The following RASGEF1B variants were observed in gnomAD, a reference collection of about 807,000 sequenced individuals.
The protein encoded by RASGEF1B is ras-GEF domain-containing family member 1B.
In RASGEF1B, 30 loss-of-function variants were observed where a neutral mutation model predicts 65.7. That is an observed-to-expected ratio of 0.46 (90% CI 0.34 to 0.62). The LOEUF is 0.62. Ranked by LOEUF, RASGEF1B falls within the 20% of genes least tolerant of loss-of-function variation. The probability of loss-of-function intolerance (pLI) is 0.01; values close to 1 mark genes in which losing one functional copy is unlikely to be tolerated. For synonymous variants in RASGEF1B, 175 were observed against 194.8 expected, an observed-to-expected ratio of 0.90 and a Z score of 0.85; for missense variants, 495 against 580.1, an observed-to-expected ratio of 0.85 and a Z score of 1.51.
At chr4:81,438,445 C>T (rs1578616400) in intron 10 of RASGEF1B, among the ~76,000 whole-genome samples, 2 of 152,338 alleles carry the variant, frequency 1.3e-5, no homozygotes, top group African/African-American at 2.4e-5. Flanking sequence ...CCACCACGCC[C>T]GGCCAAGAAT....
In RASGEF1B at chr4:81,434,114, A is replaced by ATCATAGCTCAC. The variant is rs527354683; in HGVS notation, c.1201-162_1201-152dup. Reference sequence around the variant, plus strand: ...ACCAAAGCTAGAGTGCAGTGGTGCAATCATAGCTCACTGCAACATCAAACT... The same window carrying ATCATAGCTCAC: ...ACCAAAGCTAGAGTGCAGTGGTGCAATCATAGCTCACTCATAGCTCACTGCAACATCAAACT... On this transcript the variant is annotated intron_variant, in intron 11 of 13. Coordinates refer to ENST00000264400, the MANE Select transcript of RASGEF1B (RefSeq NM_152545.3). 3.4e-4 allele frequency: 225 copies of ATCATAGCTCAC among 664,892 alleles called. 3 individuals carry two copies. In the South Asian group the frequency reaches 3.8e-3, roughly 11 times the overall value. The allele number at this position is 664,892 out of a possible 1,614,324, so 41.2% of individuals were successfully genotyped here.
chr4:81,430,157 C>A (rs868646941), intron 13 of RASGEF1B, among the ~76,000 whole-genome samples: 2 of 152,118 alleles, frequency 1.3e-5, no homozygotes, highest in Admixed American at 6.5e-5. Flanking sequence ...AAAAATTAGC[C>A]GGGCGTGGTG....
intron 10 of RASGEF1B, among the ~76,000 whole-genome samples, chr4:81,435,417 C>CAAA (rs754067756): frequency 5.4e-5 from 3 of 55,370 alleles, no homozygotes; most frequent in African/African-American, 1.8e-4. Context: ...GACTCCCTCT[C>CAAA]AAAAAAAAAA....
Position 81,466,384 on chromosome 4 carries a change from T to C in RASGEF1B, c.-7+5386A>G, listed in dbSNP as rs145097413. 1.9e-3 allele frequency among the ~76,000 whole-genome samples: 290 copies of C among 152,288 alleles called. 2 individuals carry two copies. Among genetic ancestry groups the C allele is most frequent in the African/African-American group, 6.8e-3 (282 of 41,546 alleles). ...ATTGACTGCACCTTCATAGGGTGTA[T>C]CTAACTATGGATTTGAGCCAGGGTG... is the stretch of plus-strand genomic sequence containing the variant. On this transcript the variant is annotated intron_variant, in intron 1 of 13. Coordinates refer to ENST00000264400, the MANE Select transcript of RASGEF1B (RefSeq NM_152545.3).
intron 13 of RASGEF1B, among the ~76,000 whole-genome samples, chr4:81,428,795 G>T (rs1053961133): frequency 1.3e-5 from 2 of 152,192 alleles, no homozygotes; most frequent in African/African-American, 4.8e-5. Flanking sequence ...TATTATACCA[G>T]GGACTAGAGC....
intron 4 of RASGEF1B, chr4:81,452,651 G>T (rs1722302736): frequency 1.3e-5 from 2 of 152,122 alleles, no homozygotes; most frequent in Non-Finnish European, 2.9e-5. Flanking sequence ...TGTTAAGCAT[G>T]GTTCCTCACT....
At chr4:81,446,096 C>T (rs545267342) in intron 6 of RASGEF1B, among the ~76,000 whole-genome samples, 10 of 152,266 alleles carry the variant, frequency 6.6e-5, no homozygotes, top group East Asian at 3.9e-4. Flanking sequence ...GTCCTTAGGC[C>T]GGGCGTGGTG....
intron 4 of RASGEF1B, among the ~76,000 whole-genome samples, chr4:81,448,794 G>A (rs79175553): frequency 0.021 from 3,191 of 151,812 alleles, 127 homozygotes; most frequent in African/African-American, 0.073. Context: ...TCACCCCCTC[G>A]AACCACCTTC....
At chr4:81,433,394 C>A (rs1226552272) in intron 12 of RASGEF1B, among the ~76,000 whole-genome samples, 1 of 152,016 alleles carries the variant, frequency 6.6e-6, no homozygotes, top group African/African-American at 2.4e-5. Flanking sequence ...TATCTAATCT[C>A]TTTTTCTGCT....
chr4:81,440,865 C>T lies in RASGEF1B; in HGVS notation c.1073G>A (p.Arg358Lys). Residue 358 changes from arginine to lysine, a missense_variant, in exon 10 of 14, where the codon AGG becomes AAG. Arg to Lys is a conservative substitution (Grantham distance 26, BLOSUM62 2). Transcript: ENST00000264400. ...YRTALRGAAQ[R>K]SLTAHSSREK... ...TCTACTACTATGAGCAGTTAAAGAC[C>T]TTTGTGCTGCCCCACGAAGAGCTGT... is the stretch of plus-strand genomic sequence containing the variant. The T allele has an allele frequency of 6.2e-7, 1 of 1,612,950 alleles. No homozygotes were observed. The highest frequency in any genetic ancestry group is 8.5e-7 in the Non-Finnish European group (1 of 1,179,204).
At chr4:81,454,372 T>C (rs1024120888) in intron 4 of RASGEF1B, 8 of 152,124 alleles carry the variant, frequency 5.3e-5, no homozygotes, top group African/African-American at 1.7e-4. Context: ...ATAAAGGCAA[T>C]AGAGGGAAGA....
Position 81,432,379 on chromosome 4 carries a change from C to T in RASGEF1B, c.1325-8G>A. 1 of 1,588,194 alleles carries T rather than the reference C, an allele frequency of 6.3e-7. No homozygotes were observed. Among genetic ancestry groups the T allele is most frequent in the South Asian group, 1.1e-5 (1 of 89,866 alleles). On this transcript the variant is annotated splice_polypyrimidine_tract_variant and splice_region_variant and intron_variant, in intron 12 of 13. Coordinates refer to ENST00000264400, the MANE Select transcript of RASGEF1B (RefSeq NM_152545.3). ...AAGAAGCCAAGTAGAGAGCTACAATCAAACAAAAGAAAGTGCATTAACATT... is the reference window on the plus strand; with the variant it reads ...AAGAAGCCAAGTAGAGAGCTACAATTAAACAAAAGAAAGTGCATTAACATT...
At chr4:81,437,389 G>C (rs1427030917) in intron 10 of RASGEF1B, among the ~76,000 whole-genome samples, 1 of 152,170 alleles carries the variant, frequency 6.6e-6, no homozygotes, top group Non-Finnish European at 1.5e-5. Flanking sequence ...TATGCACTTA[G>C]AGGATAATAA....
Position 81,445,479 on chromosome 4 carries a change from C to T in RASGEF1B, c.928+47G>A, listed in dbSNP as rs749939264. On this transcript the variant is annotated intron_variant, in intron 8 of 13. Coordinates refer to ENST00000264400, the MANE Select transcript of RASGEF1B (RefSeq NM_152545.3). Reference sequence around the variant, plus strand: ...TGCACATTTTCTGTGGGTCATTTTACAGGATTCGTAAAGATAAACGACATG... The same window carrying T: ...TGCACATTTTCTGTGGGTCATTTTATAGGATTCGTAAAGATAAACGACATG... 30 of 1,280,330 alleles carry T rather than the reference C, an allele frequency of 2.3e-5. No individual in the cohort carries two copies. The South Asian group carries it at 3.0e-4, about 13-fold the overall frequency. The allele number at this position is 1,280,330 out of a possible 1,614,324, so 79.3% of individuals were successfully genotyped here.
chr4:81,457,739 A>G (rs1047459371), intron 2 of RASGEF1B, 118 bp from the exon 3 acceptor site: 3 of 1,067,396 alleles, frequency 2.8e-6, no homozygotes, highest in Non-Finnish European at 4.1e-6. Flanking sequence ...TGCAGTTTCA[A>G]AAGTAATGCC....
At chr4:81,469,654 T>TACACACACAC (rs35924621) in intron 1 of RASGEF1B, among the ~76,000 whole-genome samples, 100 of 151,018 alleles carry the variant, frequency 6.6e-4, no homozygotes, top group African/African-American at 2.3e-3. Flanking sequence ...TGTGTATATA[T>TACACACACAC]ACACACACAC....
chr4:81,442,908 G>T (rs1454275191), intron 8 of RASGEF1B, among the ~76,000 whole-genome samples: 1 of 152,130 alleles, frequency 6.6e-6, no homozygotes, highest in Non-Finnish European at 1.5e-5. Flanking sequence ...TTTGACCCAC[G>T]GGTCATAGTT....
At chr4:81,469,432 T>C (rs1722950652) in intron 1 of RASGEF1B, among the ~76,000 whole-genome samples, 1 of 152,178 alleles carries the variant, frequency 6.6e-6, no homozygotes, top group Admixed American at 6.5e-5. Context: ...TCCTGAGTCA[T>C]ACTAGGGATC....
rs936465930 is a variant in RASGEF1B, at chr4:81,434,687, G to A, written c.1152C>T (p.Leu384=). 2 of 1,606,034 alleles carry A rather than the reference G, an allele frequency of 1.2e-6. No individual in the cohort carries two copies. The highest frequency in any genetic ancestry group is 8.5e-7 in the Non-Finnish European group (1 of 1,172,894). ...GAAGGCGGTTGGCACAACCCTCATTGAGGAAATAAATATCTTTGATTAAGA... is the reference window on the plus strand; with the variant it reads ...GAAGGCGGTTGGCACAACCCTCATTAAGGAAATAAATATCTTTGATTAAGA... ...FSLLIKDIYF[L]NEGCANRLPN... is the part of the protein sequence containing the mutation. Residue 384 remains leucine (L), a synonymous_variant, in exon 11 of 14, where the codon CTC becomes CTT. Transcript: ENST00000264400.
Sources: gnomAD v4.1 joint callset for allele counts (sites outside exome capture counted in the v4.1 genomes callset) on GRCh38, gnomAD v4.1.1 for gene constraint, MANE v1.5 for transcripts, NCBI Gene and HGNC (gene_info 2026-07-23, HGNC 2026-07-21) for gene names.